Variants in SYNE2 observed in about 807,000 individuals in gnomAD.
The protein encoded by SYNE2 is nesprin-2.
In SYNE2, 431 loss-of-function variants were observed where a neutral mutation model predicts 856.3. That is an observed-to-expected ratio of 0.50 (90% CI 0.47 to 0.55). SYNE2 has a LOEUF of 0.55. Among genes scored for constraint, SYNE2 ranks in the 20% least tolerant of loss-of-function variants. The pLI, the probability that SYNE2 is intolerant of heterozygous loss-of-function variation, is 0.00. For synonymous variants in SYNE2, 2,923 were observed against 2,872.3 expected (o/e 1.02, Z -0.56); for missense variants, 8,129 against 8,023.2 (o/e 1.01, Z -0.50).
intron 49 of SYNE2, among the ~76,000 whole-genome samples, chr14:64,060,745 C>T (rs908513450): frequency 2.6e-5 from 4 of 152,032 alleles, no homozygotes; most frequent in South Asian, 2.1e-4. Flanking sequence ...TCTGTGGTCT[C>T]GACAACCTTT....
At chr14:63,833,556 C>T (rs762366733) in intron 1 of SYNE2, among the ~76,000 whole-genome samples, 5 of 152,182 alleles carry the variant, frequency 3.3e-5, no homozygotes, top group African/African-American at 4.8e-5. Context: ...CAGCTAAGTT[C>T]TAGCACCTCT....
rs1014002271 is a variant in SYNE2 at position 64,188,937 on chromosome 14, T to C, written c.17871+229T>C. ...TCAGTGGGCATGGTACCGAGGAGAG[T>C]TGCTTTCTCTCCATTAGAAAGTTTC... On this transcript the variant is annotated intron_variant, in intron 98 of 115. Transcript: ENST00000555002. The C allele has an allele frequency of 1.1e-5, 8 of 703,794 alleles. No individual in the cohort carries two copies. In the Middle Eastern group the frequency reaches 6.8e-4, roughly 60 times the overall value. 43.6% of individuals were successfully genotyped at this position (703,794 alleles called of 1,614,324 possible).
chr14:64,074,057 A>C lies in SYNE2; in HGVS notation c.10787A>C (p.Lys3596Thr). Reference protein sequence around the residue: ...HSFTKEIIALKNFFQQTTTSF... With the variant: ...HSFTKEIIALTNFFQQTTTSF... Reference sequence around the variant, plus strand: ...TTCACAAAAGAGATAATTGCTTTGAAGAATTTCTTTCAACAGACCACAACT... The same window carrying C: ...TTCACAAAAGAGATAATTGCTTTGACGAATTTCTTTCAACAGACCACAACT... The change falls in exon 53 of 116, where the codon AAG (lysine) becomes ACG (threonine). Residue 3596 changes from lysine to threonine, a missense_variant. Coordinates refer to ENST00000555002, the MANE Select transcript of SYNE2 (RefSeq NM_182914.3). The C allele has an allele frequency of 6.2e-7, 1 of 1,614,238 alleles. No individual in the cohort carries two copies. Among genetic ancestry groups the C allele is most frequent in the Non-Finnish European group, 8.5e-7 (1 of 1,180,020 alleles).
At position 64,002,671 on chromosome 14, in the gene SYNE2, C is replaced by CCCTCAGTGT. The variant is rs763426162; in HGVS notation, c.3787-49_3787-48insCCTCAGTGT. On this transcript the variant is annotated intron_variant, in intron 29 of 115. Transcript: ENST00000555002. Reference sequence around the variant, plus strand: ...TTGGGGCTAGTTTCTCACATGTAGCCTTTCTTTTTTCCACCTCAGTGTTTT... The same window carrying CCCTCAGTGT: ...TTGGGGCTAGTTTCTCACATGTAGCCCCTCAGTGTTTTCTTTTTTCCACCTCAGTGTTTT... The CCCTCAGTGT allele has an allele frequency of 1.8e-3, 2,960 of 1,600,244 alleles. 52 individuals carry two copies. In the African/African-American group the frequency reaches 0.035, roughly 19 times the overall value.
At chr14:63,805,421 C>T (rs1888321112) in intron 1 of SYNE2, among the ~76,000 whole-genome samples, 1 of 152,176 alleles carries the variant, frequency 6.6e-6, no homozygotes, top group Admixed American at 6.5e-5. Flanking sequence ...TCTCTTCACC[C>T]TGTCGCTCAG....
chr14:63,842,830 C>T (rs1184544270), intron 1 of SYNE2, among the ~76,000 whole-genome samples: 1 of 152,042 alleles, frequency 6.6e-6, no homozygotes, highest in Admixed American at 6.6e-5. Flanking sequence ...AACAAAGGAT[C>T]CTTTTTGTTT....
Position 64,093,391 on chromosome 14 carries a change from A to T in SYNE2, c.12019A>T (p.Asn4007Tyr), listed in dbSNP as rs747159437. 6.2e-7 allele frequency: 1 copy of T among 1,614,128 alleles called. No individual in the cohort carries two copies. The highest frequency in any genetic ancestry group is 1.1e-5 in the South Asian group (1 of 91,078). ...CAATGAATGGGATGAAGAAATAGAA[A>T]ATTTGAAACAGATCTTAAATAATTA... ...QTNEWDEEIE[N>Y]LKQILNNYSA... Residue 4007 changes from asparagine to tyrosine, a missense_variant, in exon 61 of 116, where the codon AAT (asparagine) becomes TAT (tyrosine). Coordinates refer to ENST00000555002, the MANE Select transcript of SYNE2 (RefSeq NM_182914.3).
At chr14:63,872,256 C>G (rs1038923334) in intron 1 of SYNE2, among the ~76,000 whole-genome samples, 1 of 151,644 alleles carries the variant, frequency 6.6e-6, no homozygotes, top group African/African-American at 2.4e-5. Flanking sequence ...TGGTGAAACC[C>G]TGTCTCTACT....
In SYNE2 at chr14:64,085,953, C is replaced by T. The variant is rs368916802; in HGVS notation, c.11485-1718C>T. On this transcript the variant is annotated intron_variant, in intron 57 of 115. Transcript: ENST00000555002. ...TTTACAAATATTTTCTTCCAGTCTG[C>T]GGCTTGTCTTTTCATTCTTTTAACA... 5.9e-5 allele frequency among the ~76,000 whole-genome samples: 9 copies of T among 152,188 alleles called. 1 individual carries two copies. In the South Asian group the frequency reaches 6.2e-4, roughly 11 times the overall value.
chr14:64,001,498 A>T (rs571243120), intron 28 of SYNE2, among the ~76,000 whole-genome samples: 58 of 152,346 alleles, frequency 3.8e-4, no homozygotes, highest in African/African-American at 1.2e-3. Flanking sequence ...CAGCCTGGTC[A>T]ACATGGTGAA....
At chr14:63,823,804 ATT>A (rs1344141055) in intron 1 of SYNE2, among the ~76,000 whole-genome samples, 1 of 151,796 alleles carries the variant, frequency 6.6e-6, no homozygotes, top group African/African-American at 2.4e-5. Flanking sequence ...GCCAGCTAAT[ATT>A]TTTTATTCTT....
At chr14:63,974,395 G>A (rs916670418) in intron 11 of SYNE2, among the ~76,000 whole-genome samples, 4 of 152,056 alleles carry the variant, frequency 2.6e-5, no homozygotes, top group South Asian at 2.1e-4. Flanking sequence ...AAGCGAGAGC[G>A]AGAGAGACAG....
chr14:64,151,983 T>C (rs1446066515), intron 84 of SYNE2, among the ~76,000 whole-genome samples: 1 of 152,124 alleles, frequency 6.6e-6, no homozygotes, highest in Admixed American at 6.5e-5. Flanking sequence ...ATGGTGTCCT[T>C]TGTAGTAGAG....
intron 89 of SYNE2, among the ~76,000 whole-genome samples, chr14:64,164,450 C>T (rs2098358557): frequency 6.6e-6 from 1 of 152,090 alleles, no homozygotes; most frequent in Non-Finnish European, 1.5e-5. Flanking sequence ...GGTTTCGCCA[C>T]ATTGGCCAGG....
chr14:64,151,531 T>G, intron 84 of SYNE2, among the ~76,000 whole-genome samples: 1 of 82,416 alleles, frequency 1.2e-5, no homozygotes, highest in African/African-American at 4.9e-5. Flanking sequence ...AAAAAAAGGC[T>G]GGGATCCTTA....
chr14:64,148,654 G>A (rs1272227593), intron 84 of SYNE2, among the ~76,000 whole-genome samples: 6 of 152,048 alleles, frequency 3.9e-5, no homozygotes, highest in Non-Finnish European at 7.4e-5. Context: ...ATTTCCATTA[G>A]CTCATTTCTT....
rs548097097 is a variant in SYNE2 at position 64,148,600 on chromosome 14, C to A, written c.15639+2377C>A. Among the ~76,000 whole-genome samples, 3 of 152,204 alleles carry A rather than the reference C, an allele frequency of 2.0e-5. No individual in the cohort carries two copies. In the South Asian group the frequency reaches 6.2e-4, roughly 32 times the overall value. ...TCAATCAAAGCACCCTGACCCCCTC[C>A]CTCACCACGTGCCCACTGACTGTGC... On this transcript the variant is annotated intron_variant, in intron 84 of 115. Coordinates refer to ENST00000555002, the MANE Select transcript of SYNE2 (RefSeq NM_182914.3).
rs755962079 is a variant in SYNE2, at chr14:64,027,739, A to G, written c.6660A>G (p.Glu2220=). The G allele has an allele frequency of 6.2e-6, 10 of 1,613,814 alleles. No individual in the cohort carries two copies. In the South Asian group the frequency reaches 1.1e-4, roughly 18 times the overall value. The change falls in exon 43 of 116, where the codon GAA becomes GAG. Residue 2220 remains glutamate (E), a synonymous_variant. Coordinates refer to ENST00000555002, the MANE Select transcript of SYNE2 (RefSeq NM_182914.3). The part of the protein sequence containing the change: ...LECTKNPSFS[E]EPWLEIKHLH... ...GCACTAAAAATCCCAGCTTCAGTGA[A>G]GAGCCTTGGCTGGAAATAAAGCATC...
chr14:64,167,127 C>A, intron 90 of SYNE2, 106 bp from the exon 91 acceptor site: 1 of 1,439,564 alleles, frequency 6.9e-7, no homozygotes. Flanking sequence ...AGTCATTTGC[C>A]TGTTCAGGCC....
Sources: allele counts gnomAD v4.1 joint callset (sites outside exome capture counted in the v4.1 genomes callset), GRCh38; gene constraint gnomAD v4.1.1; transcripts MANE v1.5; gene names NCBI Gene and HGNC (gene_info 2026-07-23, HGNC 2026-07-21).